The following PPP1R9A variants were observed in gnomAD, a reference collection of about 807,000 sequenced individuals.
The protein encoded by PPP1R9A is neurabin-1.
PPP1R9A carries 59 observed loss-of-function variants against 141.9 expected under a neutral mutation model. The ratio of observed to expected loss-of-function variants is 0.42; its 90% CI spans 0.34 to 0.52. PPP1R9A has a LOEUF of 0.52. PPP1R9A is among the 20% of genes least tolerant of loss of function. PPP1R9A has a pLI of 0.10. For synonymous variants in PPP1R9A, 500 were observed against 569.7 expected (o/e 0.88, Z 1.74); for missense variants, 1,444 against 1,611.9 (o/e 0.90, Z 1.78).
chr7:95,225,619 G>C (rs952348903), intron 7 of PPP1R9A, among the ~76,000 whole-genome samples: 1 of 152,052 alleles, frequency 6.6e-6, no homozygotes, highest in African/African-American at 2.4e-5. Context: ...TATTCACAAA[G>C]AGAATTTAAA....
chr7:94,920,906 T>C (rs1050497960), intron 2 of PPP1R9A, among the ~76,000 whole-genome samples: 1 of 152,190 alleles, frequency 6.6e-6, no homozygotes, highest in Non-Finnish European at 1.5e-5. Flanking sequence ...AAGATGGTCT[T>C]TTCTCTTTTA....
At chr7:94,929,660 A>G (rs1793921687) in intron 2 of PPP1R9A, among the ~76,000 whole-genome samples, 1 of 152,124 alleles carries the variant, frequency 6.6e-6, no homozygotes, top group African/African-American at 2.4e-5. Flanking sequence ...CTGAAAACAT[A>G]CTAGTTGGAG....
chr7:95,102,459 A>C (rs574383051), intron 2 of PPP1R9A, among the ~76,000 whole-genome samples: 1 of 152,312 alleles, frequency 6.6e-6, no homozygotes, highest in African/African-American at 2.4e-5. Flanking sequence ...CAGCAGCCTC[A>C]GTATCATAAT....
chr7:95,055,832 G>A (rs1182973648), intron 2 of PPP1R9A, among the ~76,000 whole-genome samples: 1 of 151,992 alleles, frequency 6.6e-6, no homozygotes, highest in East Asian at 1.9e-4. Context: ...CATACGTTAG[G>A]AATTTCTTGT....
At chr7:95,223,782 A>T (rs911618859) in intron 7 of PPP1R9A, among the ~76,000 whole-genome samples, 1 of 152,032 alleles carries the variant, frequency 6.6e-6, no homozygotes, top group Admixed American at 6.6e-5. Context: ...TTAAGCCTTC[A>T]TAATAAAGGC....
At chr7:95,166,201 G>T (rs2152731448) in intron 5 of PPP1R9A, among the ~76,000 whole-genome samples, 1 of 150,652 alleles carries the variant, frequency 6.6e-6, no homozygotes, top group Non-Finnish European at 1.5e-5. Context: ...TCTTCATTAT[G>T]TAATAACAGA....
chr7:95,023,560 T>G (rs531133282), intron 2 of PPP1R9A, among the ~76,000 whole-genome samples: 20 of 152,142 alleles, frequency 1.3e-4, no homozygotes, highest in African/African-American at 4.1e-4. Flanking sequence ...TAGTTCTTTT[T>G]TTTGTTTGTT....
intron 4 of PPP1R9A, among the ~76,000 whole-genome samples, chr7:95,151,259 G>A (rs184776862): frequency 7.9e-5 from 12 of 152,342 alleles, no homozygotes; most frequent in South Asian, 2.1e-4. Flanking sequence ...TGTAAAAAGT[G>A]TGGTAGATCC....
chr7:95,217,086 A>G (rs1793569437), intron 7 of PPP1R9A, among the ~76,000 whole-genome samples: 1 of 152,168 alleles, frequency 6.6e-6, no homozygotes, highest in East Asian at 1.9e-4. Flanking sequence ...GCCATTCAGT[A>G]TGATATTGGC....
intron 9 of PPP1R9A, among the ~76,000 whole-genome samples, chr7:95,249,726 A>T (rs893460625): frequency 6.6e-6 from 1 of 152,186 alleles, no homozygotes; most frequent in Non-Finnish European, 1.5e-5. Flanking sequence ...ACTCTGAAAC[A>T]TCTTTTACTG....
chr7:95,287,494 C>G (rs1004794570), intron 18 of PPP1R9A, among the ~76,000 whole-genome samples: 5 of 152,116 alleles, frequency 3.3e-5, no homozygotes, highest in African/African-American at 1.2e-4. Flanking sequence ...TCCTTCAAGA[C>G]CTATCATCAC....
intron 1 of PPP1R9A, chr7:94,908,025 AG>A (rs1790964559): frequency 6.7e-6 from 1 of 148,862 alleles, no homozygotes; most frequent in Admixed American, 6.7e-5. Flanking sequence ...CGGTGTACCC[AG>A]CGGGCCGGCG....
rs150000356 is a variant in PPP1R9A, at chr7:95,083,762, G to C, written c.1396-27497G>C. Among the ~76,000 whole-genome samples the C allele has an allele frequency of 1.3e-3, 190 of 151,964 alleles. 3 individuals are homozygous for C. The highest frequency in any genetic ancestry group is 4.6e-3 in the African/African-American group (188 of 41,312). On this transcript the variant is annotated intron_variant, in intron 2 of 19. Coordinates refer to ENST00000433360, the MANE Select transcript of PPP1R9A (RefSeq NM_001166160.2). The stretch of plus-strand genomic sequence containing the variant: ...AGCAGCAAGAAATATATTTGTAATT[G>C]GGTTCCAAAAAGTAGATGAGGGATG...
intron 2 of PPP1R9A, among the ~76,000 whole-genome samples, chr7:95,102,808 A>G (rs561284601): frequency 6.6e-6 from 1 of 152,242 alleles, no homozygotes; most frequent in South Asian, 2.1e-4. Flanking sequence ...AAATACCAAA[A>G]AGTTCAGTTT....
At chr7:95,252,971 T>C (rs1415736192) in intron 12 of PPP1R9A, among the ~76,000 whole-genome samples, 2 of 152,352 alleles carry the variant, frequency 1.3e-5, no homozygotes, top group East Asian at 3.9e-4. Flanking sequence ...TTTGGTATTA[T>C]AAATGATTAT....
At chr7:95,157,873 A>G (rs1829883126) in intron 4 of PPP1R9A, among the ~76,000 whole-genome samples, 1 of 152,228 alleles carries the variant, frequency 6.6e-6, no homozygotes, top group South Asian at 2.1e-4. Context: ...GGAAAAGTCA[A>G]TACGATAAAG....
rs76998043 is a variant in PPP1R9A at position 95,049,936 on chromosome 7, G to C, written c.1396-61323G>C. 2.4e-3 allele frequency among the ~76,000 whole-genome samples: 371 copies of C among 152,218 alleles called. 6 individuals carry two copies. The highest frequency in any genetic ancestry group is 8.3e-3 in the African/African-American group (346 of 41,546). On this transcript the variant is annotated intron_variant, in intron 2 of 19. Transcript: ENST00000433360. Reference sequence around the variant, plus strand: ...TCACCTGTGGGTGCTTTCAAGTTTTGACAGTTATGAATAAGCTGGTATAAA... The same window carrying C: ...TCACCTGTGGGTGCTTTCAAGTTTTCACAGTTATGAATAAGCTGGTATAAA...
Position 95,241,446 on chromosome 7 carries a change from T to C in PPP1R9A, c.2113-6027T>C, listed in dbSNP as rs115915855. On this transcript the variant is annotated intron_variant, in intron 8 of 19. Transcript: ENST00000433360. ...TCAGAGGGGATCTTGGATAGATTTT[T>C]CTTAATTCAACTTCATGACTCTTTT... Among the ~76,000 whole-genome samples the C allele has an allele frequency of 4.5e-3, 686 of 152,308 alleles. 4 individuals are homozygous for C. Among genetic ancestry groups the C allele is most frequent in the African/African-American group, 0.016 (662 of 41,578 alleles).
At chr7:95,059,824 A>G (rs1252496110) in intron 2 of PPP1R9A, among the ~76,000 whole-genome samples, 3 of 151,848 alleles carry the variant, frequency 2.0e-5, no homozygotes, top group Non-Finnish European at 4.4e-5. Context: ...TCATTTTGGG[A>G]CTGTGGAAAC....
Sources: gnomAD v4.1 joint callset for allele counts (sites outside exome capture counted in the v4.1 genomes callset) on GRCh38, gnomAD v4.1.1 for gene constraint, MANE v1.5 for transcripts, NCBI Gene and HGNC (gene_info 2026-07-23, HGNC 2026-07-21) for gene names.